The following SHOC2 variants were observed in gnomAD, a reference collection of about 807,000 sequenced individuals.
SHOC2 encodes leucine-rich repeat protein SHOC-2.
In SHOC2, 4 loss-of-function variants were observed where a neutral mutation model predicts 50.2. The ratio of observed to expected loss-of-function variants is 0.08; its 90% CI spans 0.04 to 0.18. The LOEUF (loss-of-function observed/expected upper bound fraction) is 0.18, where lower values mean the gene tolerates loss of function less well. SHOC2 is among the 10% of genes least tolerant of loss of function. The pLI is 1.00. For synonymous variants in SHOC2, 218 were observed against 244.5 expected (o/e 0.89, Z 1.01); for missense variants, 388 against 669.6 (o/e 0.58, Z 4.64).
intron 1 of SHOC2, among the ~76,000 whole-genome samples, chr10:110,931,941 A>G (rs1846903350): frequency 6.6e-6 from 1 of 152,176 alleles, no homozygotes; most frequent in African/African-American, 2.4e-5. Flanking sequence ...CTAACCTGCC[A>G]AGTCTAATAA....
chr10:110,950,586 A>G (rs1000531666), intron 1 of SHOC2, among the ~76,000 whole-genome samples: 1 of 152,234 alleles, frequency 6.6e-6, no homozygotes, highest in African/African-American at 2.4e-5. Flanking sequence ...TTCTGGAAGC[A>G]TCATACTACC....
At chr10:110,937,057 G>C (rs762114770) in intron 1 of SHOC2, 1 of 1,485,924 alleles carries the variant, frequency 6.7e-7, no homozygotes, top group Non-Finnish European at 9.4e-7. Flanking sequence ...TCATCCGCTT[G>C]CGGAGGAAAG....
chr10:110,934,482 G>A (rs1041652920), intron 1 of SHOC2, among the ~76,000 whole-genome samples: 1 of 152,042 alleles, frequency 6.6e-6, no homozygotes, highest in African/African-American at 2.4e-5. Flanking sequence ...TATACATAAA[G>A]TTATACTATG....
chr10:110,987,514 G>A (rs1391721008), intron 3 of SHOC2, among the ~76,000 whole-genome samples: 1 of 152,066 alleles, frequency 6.6e-6, no homozygotes, highest in Non-Finnish European at 1.5e-5. Context: ...CTGGTTTATG[G>A]TTTAGATGTC....
At chr10:110,968,588 A>G (rs896487774) in intron 2 of SHOC2, among the ~76,000 whole-genome samples, 1 of 151,706 alleles carries the variant, frequency 6.6e-6, no homozygotes, top group African/African-American at 2.4e-5. Context: ...TTGTTTGAAT[A>G]AATATATCAC....
In SHOC2 at chr10:110,934,662, C is replaced by G. The variant is rs548049569; in HGVS notation, c.-235+15005C>G. Among the ~76,000 whole-genome samples, 37 of 152,214 alleles carry G rather than the reference C, an allele frequency of 2.4e-4. No homozygotes were observed. The South Asian group carries it at 7.0e-3, about 29-fold the overall frequency. ...TAAGATATATTCCTTTTATATCTTA[C>G]ATGGTGACAACATTAAATATCTGAA... On this transcript the variant is annotated intron_variant, in intron 1 of 8. Coordinates refer to ENST00000369452, the MANE Select transcript of SHOC2 (RefSeq NM_007373.4).
At chr10:110,947,902 GA>G (rs1847278112) in intron 1 of SHOC2, among the ~76,000 whole-genome samples, 1 of 152,000 alleles carries the variant, frequency 6.6e-6, no homozygotes, top group Non-Finnish European at 1.5e-5. Flanking sequence ...AATGTAAATG[GA>G]TTAAGTTCTC....
At chr10:110,967,146 T>G (rs550793842) in intron 2 of SHOC2, among the ~76,000 whole-genome samples, 1 of 152,196 alleles carries the variant, frequency 6.6e-6, no homozygotes, top group Non-Finnish European at 1.5e-5. Flanking sequence ...AATTATACTA[T>G]CTTATATCCT....
intron 1 of SHOC2, chr10:110,936,870 C>T (rs1381905815): frequency 2.2e-6 from 3 of 1,364,730 alleles, no homozygotes; most frequent in East Asian, 2.3e-5. Flanking sequence ...TTGAGGGCAG[C>T]AGGAACCACC....
At chr10:111,004,379 T>C (rs190927530) in intron 4 of SHOC2, among the ~76,000 whole-genome samples, 1 of 152,342 alleles carries the variant, frequency 6.6e-6, no homozygotes, top group Admixed American at 6.5e-5. Context: ...TGTTTCCTCC[T>C]ATAAAATCTG....
At chr10:111,011,519 T>C (rs1470578259) in intron 8 of SHOC2, 91 bp from the exon 9 acceptor site, 1 of 823,880 alleles carries the variant, frequency 1.2e-6, no homozygotes, top group Admixed American at 1.9e-5. Context: ...GTGTGTTCAG[T>C]ATATGTAATG....
At chr10:110,992,395 A>G (rs1203340106) in intron 3 of SHOC2, among the ~76,000 whole-genome samples, 1 of 152,248 alleles carries the variant, frequency 6.6e-6, no homozygotes, top group Non-Finnish European at 1.5e-5. Flanking sequence ...CTATGAACAG[A>G]AGAAAATATT....
chr10:110,982,673 C>A (rs1395083982), intron 2 of SHOC2, among the ~76,000 whole-genome samples: 2 of 152,078 alleles, frequency 1.3e-5, no homozygotes, highest in East Asian at 3.9e-4. Context: ...AGTGTCTGTT[C>A]ATGTCCTTTG....
chr10:110,933,083 A>G (rs1041064981), intron 1 of SHOC2, among the ~76,000 whole-genome samples: 1 of 152,184 alleles, frequency 6.6e-6, no homozygotes, highest in Admixed American at 6.5e-5. Context: ...CATAGACTAA[A>G]TGATCTCTGA....
At chr10:111,006,972 T>C (rs1022709111) in intron 5 of SHOC2, among the ~76,000 whole-genome samples, 7 of 152,360 alleles carry the variant, frequency 4.6e-5, no homozygotes, top group Admixed American at 6.5e-5. Flanking sequence ...GAATATATTT[T>C]ACCATTTTTT....
intron 1 of SHOC2, among the ~76,000 whole-genome samples, chr10:110,935,229 ATAT>A (rs1846983875): frequency 6.6e-6 from 1 of 152,210 alleles, no homozygotes; most frequent in African/African-American, 2.4e-5. Flanking sequence ...AAGTAGGTAA[ATAT>A]TATTCCCTTA....
At chr10:111,006,514 G>A (rs958102176) in intron 5 of SHOC2, among the ~76,000 whole-genome samples, 6 of 151,572 alleles carry the variant, frequency 4.0e-5, no homozygotes, top group African/African-American at 1.5e-4. Flanking sequence ...GGGACTACAG[G>A]CGCCCGCCAC....
chr10:110,987,497 T>G (rs549515823), intron 3 of SHOC2, among the ~76,000 whole-genome samples: 2 of 152,310 alleles, frequency 1.3e-5, no homozygotes, highest in East Asian at 3.9e-4. Flanking sequence ...TTACATATTC[T>G]AGTTAACTGG....
At chr10:111,004,150 TAG>T in intron 4 of SHOC2, among the ~76,000 whole-genome samples, 1 of 152,282 alleles carries the variant, frequency 6.6e-6, no homozygotes, top group East Asian at 1.9e-4. Context: ...CTTAATAATT[TAG>T]AGAGAGGTAT....
Sources: gnomAD v4.1 joint callset for allele counts (sites outside exome capture counted in the v4.1 genomes callset) on GRCh38, gnomAD v4.1.1 for gene constraint, MANE v1.5 for transcripts, NCBI Gene and HGNC (gene_info 2026-07-23, HGNC 2026-07-21) for gene names.